Variants in ENTREP2 observed in about 807,000 individuals in gnomAD.
ENTREP2 encodes the protein endosomal transmembrane epsin interactor 2, also known as protein ENTREP2.
chr15:29,584,908 A>G, the ENTREP2 span, among the ~76,000 whole-genome samples: 2 of 152,206 alleles, frequency 1.3e-5, no homozygotes, highest in South Asian at 4.1e-4. Context: ...ATATCAAGTC[A>G]TCACATTTCA....
the ENTREP2 span, among the ~76,000 whole-genome samples, chr15:29,393,869 C>T: frequency 1.3e-5 from 2 of 152,098 alleles, no homozygotes. Context: ...GCCCCAGCAA[C>T]TATATTTCTC....
At chr15:29,648,660 G>A in the ENTREP2 span, among the ~76,000 whole-genome samples, 377 of 152,242 alleles carry the variant, frequency 2.5e-3, 1 homozygote, top group Middle Eastern at 3.4e-3. Context: ...TATTAGGGCC[G>A]GGCACAGTGG....
chr15:29,443,757 G>A, the ENTREP2 span, among the ~76,000 whole-genome samples: 1 of 152,094 alleles, frequency 6.6e-6, no homozygotes, highest in Non-Finnish European at 1.5e-5. Flanking sequence ...CATGAGGCAA[G>A]TGGTTACATC....
the ENTREP2 span, among the ~76,000 whole-genome samples, chr15:29,503,755 A>G: frequency 6.6e-6 from 1 of 152,232 alleles, no homozygotes; most frequent in African/African-American, 2.4e-5. Flanking sequence ...GCAAAAAACT[A>G]TTACAAAGAT....
chr15:29,444,166 C>A, the ENTREP2 span, among the ~76,000 whole-genome samples: 19,163 of 52,068 alleles, frequency 0.37, 3,163 homozygotes, highest in African/African-American at 0.45. Context: ...GAAAGAAAGA[C>A]AGACAAAGAA....
the ENTREP2 span, among the ~76,000 whole-genome samples, chr15:29,514,409 C>T: frequency 1.3e-4 from 20 of 152,196 alleles, no homozygotes; most frequent in African/African-American, 4.8e-4. Flanking sequence ...GAAGACTGAG[C>T]AATCTTCCAC....
the ENTREP2 span, chr15:29,128,894 G>A: frequency 1.0e-4 from 152 of 1,520,436 alleles, no homozygotes; most frequent in African/African-American, 3.3e-4. Flanking sequence ...GCGTCAAGGC[G>A]GCTGGTCCGT....
the ENTREP2 span, among the ~76,000 whole-genome samples, chr15:29,171,377 A>C: frequency 2.0e-5 from 3 of 152,058 alleles, no homozygotes; most frequent in East Asian, 5.8e-4. Context: ...CTCATAAACA[A>C]CACCTGTGAC....
the ENTREP2 span, among the ~76,000 whole-genome samples, chr15:29,345,977 T>C: frequency 6.6e-6 from 1 of 152,122 alleles, no homozygotes; most frequent in Non-Finnish European, 1.5e-5. Context: ...TTCCACAAAT[T>C]ACTATGAGTT....
At chr15:29,398,691 T>C in the ENTREP2 span, among the ~76,000 whole-genome samples, 1 of 152,076 alleles carries the variant, frequency 6.6e-6, no homozygotes, top group Non-Finnish European at 1.5e-5. Context: ...GCCACTGCAC[T>C]CCAGCCTGGG....
the ENTREP2 span, among the ~76,000 whole-genome samples, chr15:29,143,313 G>A: frequency 6.6e-6 from 1 of 152,232 alleles, no homozygotes; most frequent in African/African-American, 2.4e-5. Context: ...AATTGTGTAA[G>A]TTGTCAGCAC....
chr15:29,483,832 A>T, the ENTREP2 span, among the ~76,000 whole-genome samples: 1 of 152,168 alleles, frequency 6.6e-6, no homozygotes, highest in Non-Finnish European at 1.5e-5. Context: ...GAGATTTCTG[A>T]TTATTACATT....
At chr15:29,342,745 T>G in the ENTREP2 span, among the ~76,000 whole-genome samples, 1 of 152,162 alleles carries the variant, frequency 6.6e-6, no homozygotes, top group Non-Finnish European at 1.5e-5. Context: ...AGGTTCACAG[T>G]GTTTTCATGT....
the ENTREP2 span, among the ~76,000 whole-genome samples, chr15:29,323,291 C>G: frequency 6.6e-6 from 1 of 152,138 alleles, no homozygotes; most frequent in Admixed American, 6.5e-5. Flanking sequence ...CTAAGTTGAT[C>G]ACCAATAGCC....
the ENTREP2 span, among the ~76,000 whole-genome samples, chr15:29,356,766 G>A: frequency 1.3e-5 from 2 of 152,214 alleles, no homozygotes; most frequent in South Asian, 4.2e-4. Context: ...AGTATTCCAT[G>A]GTCAAGGCCA....
chr15:29,307,013 G>C, the ENTREP2 span, among the ~76,000 whole-genome samples: 1 of 152,104 alleles, frequency 6.6e-6, no homozygotes, highest in African/African-American at 2.4e-5. Context: ...CTCCCAAAAT[G>C]CTGGGATTAC....
At chr15:29,631,731 C>T in the ENTREP2 span, among the ~76,000 whole-genome samples, 2 of 152,198 alleles carry the variant, frequency 1.3e-5, no homozygotes, top group African/African-American at 4.8e-5. Flanking sequence ...GGGGTGGGGA[C>T]AGAAGTCCAG....
the ENTREP2 span, among the ~76,000 whole-genome samples, chr15:29,211,777 C>T: frequency 6.6e-6 from 1 of 152,170 alleles, no homozygotes; most frequent in Admixed American, 6.5e-5. Flanking sequence ...TGGTGTATCA[C>T]ATTTATTGAC....
chr15:29,183,184 C>A, the ENTREP2 span, among the ~76,000 whole-genome samples: 3 of 152,238 alleles, frequency 2.0e-5, no homozygotes, highest in Non-Finnish European at 2.9e-5. Context: ...AGTCACTGAT[C>A]GTGAGAAGAC....
Sources: allele counts gnomAD v4.1 joint callset (sites outside exome capture counted in the v4.1 genomes callset), GRCh38; gene constraint gnomAD v4.1.1; transcripts MANE v1.5; gene names NCBI Gene and HGNC (gene_info 2026-07-23, HGNC 2026-07-21).